Variants in FAM135B observed in about 807,000 individuals in gnomAD.
FAM135B encodes the protein protein FAM135B.
A neutral mutation model predicts 127.7 loss-of-function variants in FAM135B; 43 were observed. That is an observed-to-expected ratio of 0.34 (90% confidence interval 0.26 to 0.43). The LOEUF (loss-of-function observed/expected upper bound fraction) is 0.43. FAM135B is among the 20% of genes least tolerant of loss of function. The pLI is 1.00. For synonymous variants in FAM135B, 670 were observed against 665.1 expected (o/e 1.01, Z -0.11); for missense variants, 1,558 against 1,725.6 (o/e 0.90, Z 1.72).
chr8:138,290,021 G>A (rs1265815269), intron 3 of FAM135B, among the ~76,000 whole-genome samples: 2 of 152,156 alleles, frequency 1.3e-5, no homozygotes, highest in African/African-American at 4.8e-5. Context: ...TAAAAACACT[G>A]TGTCAGGAAG....
intron 11 of FAM135B, among the ~76,000 whole-genome samples, chr8:138,174,713 T>C (rs1379626361): frequency 6.6e-6 from 1 of 152,212 alleles, no homozygotes; most frequent in African/African-American, 2.4e-5. Flanking sequence ...CCTAGGGATC[T>C]GGAGAGCTCC....
rs1445560046 is a variant in FAM135B at position 138,250,744 on chromosome 8, G to A, written c.542+97C>T. The A allele has an allele frequency of 1.1e-5, 15 of 1,341,500 alleles. No individual in the cohort carries two copies. In the East Asian group the frequency reaches 3.5e-4, roughly 31 times the overall value. The allele number at this position is 1,341,500 out of a possible 1,614,324, so 83.1% of individuals were successfully genotyped here. On this transcript the variant is annotated intron_variant, in intron 6 of 19. Coordinates refer to ENST00000395297, the MANE Select transcript of FAM135B (RefSeq NM_015912.4). ...CCTGCAGCCTTAGAGAAACTCCCTTGCGTGTGCTGATCTCTCCTGGAAAAC... is the reference window on the plus strand; with the variant it reads ...CCTGCAGCCTTAGAGAAACTCCCTTACGTGTGCTGATCTCTCCTGGAAAAC...
Position 138,241,762 on chromosome 8 carries a change from T to A in FAM135B, c.669+1180A>T, listed in dbSNP as rs1820793859. Among the ~76,000 whole-genome samples, 1 of 152,222 alleles carries A rather than the reference T, an allele frequency of 6.6e-6. No individual in the cohort carries two copies. The highest frequency in any genetic ancestry group is 1.5e-5 in the Non-Finnish European group (1 of 68,040). On this transcript the variant is annotated intron_variant, in intron 7 of 19. Coordinates refer to ENST00000395297, the MANE Select transcript of FAM135B (RefSeq NM_015912.4). The surrounding 1 kb of genome is among the most constrained non-coding windows in gnomAD (Gnocchi z 4.8). Reference sequence around the variant, plus strand: ...GTGACAGTTACTTTTACGTGTCATCTTACTTGGGCCACAAGGTGCCCAGAC... The same window carrying A: ...GTGACAGTTACTTTTACGTGTCATCATACTTGGGCCACAAGGTGCCCAGAC...
At chr8:138,418,921 A>G (rs1259128481) in intron 1 of FAM135B, among the ~76,000 whole-genome samples, 1 of 151,618 alleles carries the variant, frequency 6.6e-6, no homozygotes, top group Non-Finnish European at 1.5e-5. Context: ...CACATAGCGC[A>G]CTGACACTAC....
intron 3 of FAM135B, among the ~76,000 whole-genome samples, chr8:138,292,943 A>G (rs1333369853): frequency 3.9e-5 from 6 of 152,140 alleles, no homozygotes; most frequent in African/African-American, 1.4e-4. Flanking sequence ...TGAATAGCCC[A>G]AGCTATCCTA....
At chr8:138,195,208 T>A (rs992791032) in intron 9 of FAM135B, 50 bp downstream of exon 9, 4 of 1,586,414 alleles carry the variant, frequency 2.5e-6, no homozygotes, top group African/African-American at 2.7e-5. Flanking sequence ...GCATTTGCCT[T>A]GCAAAACTAC....
intron 7 of FAM135B, among the ~76,000 whole-genome samples, chr8:138,204,249 A>C (rs976935837): frequency 6.6e-6 from 1 of 152,142 alleles, no homozygotes; most frequent in South Asian, 2.1e-4. Flanking sequence ...TGCCGTTGGA[A>C]ATGTCTTTCT....
chr8:138,164,777 C>G (rs933714886), intron 12 of FAM135B, among the ~76,000 whole-genome samples: 1 of 152,188 alleles, frequency 6.6e-6, no homozygotes, highest in Admixed American at 6.6e-5. Flanking sequence ...GTGCTCTGAC[C>G]ACCTTGGGTA....
chr8:138,215,812 C>T (rs1818499000), intron 7 of FAM135B, among the ~76,000 whole-genome samples: 1 of 152,170 alleles, frequency 6.6e-6, no homozygotes, highest in African/African-American at 2.4e-5. Context: ...TCAGATCCTA[C>T]AAGTGATGCC....
intron 1 of FAM135B, among the ~76,000 whole-genome samples, chr8:138,431,757 A>G (rs1835199551): frequency 6.6e-6 from 1 of 152,184 alleles, no homozygotes; most frequent in South Asian, 2.1e-4. Flanking sequence ...GGATCCTCGC[A>G]TCTTTCCATT....
intron 1 of FAM135B, among the ~76,000 whole-genome samples, chr8:138,382,729 C>A (rs1046274324): frequency 2.0e-5 from 3 of 152,130 alleles, no homozygotes; most frequent in Non-Finnish European, 2.9e-5. Context: ...TTCTTAACGT[C>A]CTATTGTGAT....
rs1276576705 is a variant in FAM135B, at chr8:138,199,453, G to C, written c.670-1784C>G. Among the ~76,000 whole-genome samples the C allele has an allele frequency of 2.6e-5, 4 of 152,268 alleles. No individual in the cohort carries two copies. In the East Asian group the frequency reaches 7.7e-4, roughly 29 times the overall value. On this transcript the variant is annotated intron_variant, in intron 7 of 19. Transcript: ENST00000395297. ...GGAACTGCATTGCATTGTCCTGCAGGTACAACGGAGACCTCAGCTGATGCC... is the reference window on the plus strand; with the variant it reads ...GGAACTGCATTGCATTGTCCTGCAGCTACAACGGAGACCTCAGCTGATGCC...
chr8:138,305,847 T>C (rs1826207918), intron 3 of FAM135B, among the ~76,000 whole-genome samples: 1 of 152,156 alleles, frequency 6.6e-6, no homozygotes, highest in Non-Finnish European at 1.5e-5. Context: ...CACATATATA[T>C]ACATGTATAT....
intron 7 of FAM135B, among the ~76,000 whole-genome samples, chr8:138,228,860 C>G (rs1249525938): frequency 6.6e-6 from 1 of 152,210 alleles, no homozygotes; most frequent in Non-Finnish European, 1.5e-5. Context: ...GCTGCAGCAT[C>G]TGTTCTTCCT....
At chr8:138,375,370 T>C (rs1430585719) in intron 1 of FAM135B, among the ~76,000 whole-genome samples, 1 of 152,098 alleles carries the variant, frequency 6.6e-6, no homozygotes, top group East Asian at 1.9e-4. Context: ...GCCTCTATAG[T>C]CTCTCTCTGT....
intron 2 of FAM135B, among the ~76,000 whole-genome samples, chr8:138,352,655 C>T (rs1829854131): frequency 6.6e-6 from 1 of 152,170 alleles, no homozygotes; most frequent in Admixed American, 6.5e-5. Flanking sequence ...GGCATCCATG[C>T]CTATGTCTTA....
chr8:138,449,568 G>A (rs1836382583), intron 1 of FAM135B, among the ~76,000 whole-genome samples: 1 of 152,170 alleles, frequency 6.6e-6, no homozygotes, highest in Non-Finnish European at 1.5e-5. Context: ...TCAAGGCCAA[G>A]ACCAACTTCA....
At chr8:138,286,877 T>A (rs929103387) in intron 3 of FAM135B, among the ~76,000 whole-genome samples, 1 of 152,226 alleles carries the variant, frequency 6.6e-6, no homozygotes, top group Non-Finnish European at 1.5e-5. Flanking sequence ...ACCATGATAT[T>A]GGAGCCAATG....
chr8:138,442,629 A>G (rs2131552851), intron 1 of FAM135B, among the ~76,000 whole-genome samples: 1 of 152,182 alleles, frequency 6.6e-6, no homozygotes, highest in South Asian at 2.1e-4. Flanking sequence ...GAGCACAAAA[A>G]CAATCAAAAA....
Sources: gnomAD v4.1 joint callset for allele counts (sites outside exome capture counted in the v4.1 genomes callset) on GRCh38, gnomAD v4.1.1 for gene constraint, Gnocchi (gnomAD v3.1) non-coding constraint, MANE v1.5 for transcripts, NCBI Gene and HGNC (gene_info 2026-07-23, HGNC 2026-07-21) for gene names.